FOXO3: variants seen among roughly 807,000 people sequenced by gnomAD.
FOXO3 encodes the protein forkhead box O3, also known as forkhead box protein O3.
Under a neutral mutation model 41.9 loss-of-function variants are expected in FOXO3, and 4 were observed. That is an observed-to-expected ratio of 0.10 (90% CI 0.05 to 0.22). FOXO3 has a LOEUF of 0.22. FOXO3 is among the 10% of genes least tolerant of loss of function. The pLI is 1.00. For synonymous variants in FOXO3, 318 were observed against 389.3 expected, an observed-to-expected ratio of 0.82 and a Z score of 2.16; for missense variants, 534 against 906.8, an observed-to-expected ratio of 0.59 and a Z score of 5.28.
rs757795843 is a variant in FOXO3, at chr6:108,561,742, C to T, written c.534C>T (p.Leu178=). Residue 178 remains leucine (L), a synonymous_variant, in exon 1 of 3, where the codon CTC becomes CTT. Coordinates refer to ENST00000406360, the MANE Select transcript of FOXO3 (RefSeq NM_001455.4). ...TCGAGAGCTCCCCGGACAAACGGCT[C>T]ACTCTGTCCCAGATCTACGAGTGGA... ...RAIESSPDKR[L]TLSQIYEWMV... The T allele has an allele frequency of 3.1e-6, 5 of 1,608,610 alleles. No homozygotes were observed. Among genetic ancestry groups the T allele is most frequent in the Middle Eastern group, 1.6e-4 (1 of 6,064 alleles).
intron 1 of FOXO3, among the ~76,000 whole-genome samples, chr6:108,617,115 A>T (rs975271723): frequency 4.6e-5 from 7 of 152,200 alleles, no homozygotes; most frequent in African/African-American, 1.7e-4. Flanking sequence ...ATGTGGACAT[A>T]TTATTTTAAT....
chr6:108,580,618 T>C (rs1776390785), intron 1 of FOXO3, among the ~76,000 whole-genome samples: 1 of 152,244 alleles, frequency 6.6e-6, no homozygotes, highest in African/African-American at 2.4e-5. Flanking sequence ...CTAAGGGAAC[T>C]CCAAAGTCAA....
At chr6:108,592,982 G>A (rs1020356704) in intron 1 of FOXO3, among the ~76,000 whole-genome samples, 2 of 152,172 alleles carry the variant, frequency 1.3e-5, no homozygotes, top group Admixed American at 6.5e-5. Flanking sequence ...AGATGGATGC[G>A]TGCTTAGGAA....
chr6:108,584,952 A>G (rs2128361108), intron 1 of FOXO3, among the ~76,000 whole-genome samples: 1 of 149,878 alleles, frequency 6.7e-6, no homozygotes, highest in South Asian at 2.1e-4. Flanking sequence ...CCGTTTTGAA[A>G]TGAGAAGTTG....
chr6:108,572,256 T>G (rs945419619), intron 1 of FOXO3, among the ~76,000 whole-genome samples: 2 of 152,114 alleles, frequency 1.3e-5, no homozygotes, highest in African/African-American at 4.8e-5. Flanking sequence ...AGTGGAAGAA[T>G]AGTGTGGAAG....
At chr6:108,632,518 A>G (rs1487490999) in intron 1 of FOXO3, among the ~76,000 whole-genome samples, 1 of 152,160 alleles carries the variant, frequency 6.6e-6, no homozygotes, top group African/African-American at 2.4e-5. Flanking sequence ...GCGTTGCATT[A>G]TTTGAGGCAC....
intron 1 of FOXO3, among the ~76,000 whole-genome samples, chr6:108,602,662 A>G (rs926307658): frequency 6.6e-6 from 1 of 152,208 alleles, no homozygotes; most frequent in African/African-American, 2.4e-5. Context: ...CAAACCAAAA[A>G]AAAAAACCTT....
chr6:108,607,071 A>G (rs2128368144), intron 1 of FOXO3, among the ~76,000 whole-genome samples: 1 of 152,334 alleles, frequency 6.6e-6, no homozygotes, highest in East Asian at 1.9e-4. Flanking sequence ...CTTTTTAATT[A>G]TTAACTTGTA....
At chr6:108,588,393 G>A (rs376088891) in intron 1 of FOXO3, among the ~76,000 whole-genome samples, 10 of 152,166 alleles carry the variant, frequency 6.6e-5, no homozygotes, top group African/African-American at 2.2e-4. Context: ...GTAAATGGAG[G>A]CAGTTGCACA....
At position 108,664,805 on chromosome 6, in the gene FOXO3, A is replaced by G; in HGVS notation, c.1972A>G (p.Asn658Asp). Residue 658 changes from asparagine to aspartate, a missense_variant, in exon 2 of 3, where the codon AAC becomes GAC. Physicochemically the swap from Asn to Asp is conservative, Grantham distance 23. This residue lies in a region of FOXO3 where 94 missense variants were observed against 214.4 expected (regional missense o/e 0.44). Transcript: ENST00000406360. ...GAATGTTGTTGGTTTGAACGTGGGG[A>G]ACTTCACTGGTGCTAAGCAGGCCTC... is the stretch of plus-strand genomic sequence containing the variant. ...TQNVVGLNVG[N>D]FTGAKQASSQ... 6.7e-7 allele frequency: 1 copy of G among 1,495,946 alleles called. No homozygotes were observed. The highest frequency in any genetic ancestry group is 1.4e-5 in the African/African-American group (1 of 70,906). 92.7% of individuals were successfully genotyped at this position (1,495,946 alleles called of 1,614,324 possible). A position where few individuals can be genotyped will look rare whatever the true frequency, so the allele number is the denominator to read the frequency against.
At chr6:108,569,161 A>T (rs575539066) in intron 1 of FOXO3, among the ~76,000 whole-genome samples, 13 of 152,308 alleles carry the variant, frequency 8.5e-5, no homozygotes, top group African/African-American at 3.1e-4. Context: ...TGGGAAATAG[A>T]AGTCATGTAT....
intron 1 of FOXO3, among the ~76,000 whole-genome samples, chr6:108,564,949 G>A (rs562277029): frequency 6.6e-6 from 1 of 152,262 alleles, no homozygotes; most frequent in South Asian, 2.1e-4. Context: ...GAGGTAATTA[G>A]TAGCCACAGT....
At chr6:108,596,685 T>C (rs1776896322) in intron 1 of FOXO3, among the ~76,000 whole-genome samples, 1 of 152,172 alleles carries the variant, frequency 6.6e-6, no homozygotes. Flanking sequence ...TCCAGAACAC[T>C]AGCCTAATTA....
At chr6:108,637,536 C>G (rs531000129) in intron 1 of FOXO3, among the ~76,000 whole-genome samples, 27 of 152,082 alleles carry the variant, frequency 1.8e-4, no homozygotes, top group Non-Finnish European at 3.7e-4. Context: ...ATGAGTTAAG[C>G]CTATGCAGGT....
At chr6:108,615,911 C>G (rs142036079) in intron 1 of FOXO3, among the ~76,000 whole-genome samples, 1 of 152,136 alleles carries the variant, frequency 6.6e-6, no homozygotes, top group East Asian at 1.9e-4. Flanking sequence ...AGAAGTACCA[C>G]TGGGTTTATT....
intron 1 of FOXO3, among the ~76,000 whole-genome samples, chr6:108,604,378 C>T (rs893449590): frequency 3.3e-5 from 5 of 152,132 alleles, no homozygotes; most frequent in African/African-American, 1.2e-4. Flanking sequence ...GTTTTTATGG[C>T]TTATTATACC....
chr6:108,600,062 T>G (rs1777001514), intron 1 of FOXO3, among the ~76,000 whole-genome samples: 1 of 152,126 alleles, frequency 6.6e-6, no homozygotes, highest in Non-Finnish European at 1.5e-5. Flanking sequence ...TTTAGAAAAC[T>G]AGATCCATTG....
chr6:108,642,691 A>G (rs1562255010), intron 1 of FOXO3, among the ~76,000 whole-genome samples: 1 of 152,236 alleles, frequency 6.6e-6, no homozygotes, highest in Non-Finnish European at 1.5e-5. Context: ...CATCCAATTC[A>G]AGGCTAGCAA....
chr6:108,621,484 A>T (rs571369144), intron 1 of FOXO3, among the ~76,000 whole-genome samples: 3 of 152,188 alleles, frequency 2.0e-5, no homozygotes, highest in Non-Finnish European at 4.4e-5. Context: ...GTAGTGCATG[A>T]TGTACCTCAG....
Sources: gnomAD v4.1 joint callset for allele counts (sites outside exome capture counted in the v4.1 genomes callset) on GRCh38, gnomAD v4.1.1 for gene constraint, gnomAD v4.1.1 regional missense constraint, MANE v1.5 for transcripts, NCBI Gene and HGNC (gene_info 2026-07-23, HGNC 2026-07-21) for gene names.